ZMAT3: variants seen among roughly 807,000 people sequenced by gnomAD.
The protein encoded by ZMAT3 is zinc finger matrin-type protein 3.
Under a neutral mutation model 32.3 loss-of-function variants are expected in ZMAT3, and 17 were observed. That is an observed-to-expected ratio of 0.53 (90% CI 0.36 to 0.79). The LOEUF is 0.79. Ranked by LOEUF, ZMAT3 falls within the 30% of genes least tolerant of loss-of-function variation. The pLI is 0.00. For missense variants in ZMAT3, 329 were observed against 359.7 expected (o/e 0.91, Z 0.69); for synonymous variants, 120 against 133.1 (o/e 0.90, Z 0.68).
rs541500106 is a variant in ZMAT3, at chr3:179,035,351, G to A, written c.271-4352C>T. ...TAGGCTGCATGTGCTCCTTAAACAT[G>A]CCAAGCTCAGGCTAGCTCCAAGGCC... On this transcript the variant is annotated intron_variant, in intron 2 of 5. Transcript: ENST00000311417. 2.0e-5 allele frequency among the ~76,000 whole-genome samples: 3 copies of A among 152,212 alleles called. No individual in the cohort carries two copies. The South Asian group carries it at 6.2e-4, about 32-fold the overall frequency.
At chr3:179,031,497 T>C (rs1419487799) in intron 2 of ZMAT3, among the ~76,000 whole-genome samples, 3 of 152,226 alleles carry the variant, frequency 2.0e-5, no homozygotes, top group Non-Finnish European at 2.9e-5. Context: ...CTAGATTTGA[T>C]TGCTAGATCT....
At chr3:179,058,015 C>A (rs1156494041) in intron 2 of ZMAT3, among the ~76,000 whole-genome samples, 4 of 152,182 alleles carry the variant, frequency 2.6e-5, no homozygotes. Context: ...AGGAATAGCT[C>A]TAGGAGTCCT....
intron 2 of ZMAT3, among the ~76,000 whole-genome samples, chr3:179,049,367 T>C (rs1012267875): frequency 2.0e-5 from 3 of 152,278 alleles, no homozygotes; most frequent in East Asian, 3.9e-4. Flanking sequence ...AGAATATACA[T>C]TCTATTCATC....
At chr3:179,058,404 G>C (rs369146922) in intron 2 of ZMAT3, among the ~76,000 whole-genome samples, 1 of 152,232 alleles carries the variant, frequency 6.6e-6, no homozygotes, top group African/African-American at 2.4e-5. Flanking sequence ...GGACCTTTTA[G>C]AGGTTCCCTT....
Position 179,020,569 on chromosome 3 carries a change from T to C in ZMAT3, c.*4448A>G, listed in dbSNP as rs900171753. ...CTGTTCAAAAGCCTGCATTAAACTT[T>C]TATCTGTCCTGACAAAACATGTCTC... On this transcript the variant is annotated 3_prime_UTR_variant, in exon 6 of 6. Transcript: ENST00000311417. The C allele has an allele frequency of 6.6e-5, 10 of 152,256 alleles. No homozygotes were observed. Among genetic ancestry groups the C allele is most frequent in the Admixed American group, 6.5e-4 (10 of 15,272 alleles). 9.4% of individuals were successfully genotyped at this position (152,256 alleles called of 1,614,324 possible).
At chr3:179,069,176 A>T (rs1355459020) in intron 1 of ZMAT3, among the ~76,000 whole-genome samples, 1 of 152,170 alleles carries the variant, frequency 6.6e-6, no homozygotes, top group Non-Finnish European at 1.5e-5. Context: ...GGAGTAATGG[A>T]TCACACCACC....
chr3:179,029,144 A>G (rs1045531365), intron 3 of ZMAT3, among the ~76,000 whole-genome samples: 17 of 151,192 alleles, frequency 1.1e-4, no homozygotes, highest in African/African-American at 4.1e-4. Context: ...GGGCAACAAG[A>G]GCAAAACTCC....
chr3:179,053,287 A>T, intron 2 of ZMAT3, among the ~76,000 whole-genome samples: 1 of 148,584 alleles, frequency 6.7e-6, no homozygotes, highest in Non-Finnish European at 1.5e-5. Flanking sequence ...TTATATCTAT[A>T]GATATAGATA....
At chr3:179,032,685 CCCA>C (rs1451426412) in intron 2 of ZMAT3, among the ~76,000 whole-genome samples, 2 of 150,928 alleles carry the variant, frequency 1.3e-5, no homozygotes, top group Non-Finnish European at 2.9e-5. Context: ...GTGTGTCTGC[CCCA>C]CCACCACCCC....
chr3:179,063,011 G>A (rs552216420), intron 2 of ZMAT3, among the ~76,000 whole-genome samples: 1 of 152,306 alleles, frequency 6.6e-6, no homozygotes, highest in East Asian at 1.9e-4. Flanking sequence ...CAATCCTGCA[G>A]AGGAAGTACA....
At chr3:179,063,112 T>C (rs1434993142) in intron 2 of ZMAT3, among the ~76,000 whole-genome samples, 1 of 152,228 alleles carries the variant, frequency 6.6e-6, no homozygotes, top group African/African-American at 2.4e-5. Flanking sequence ...AGTTGTTAGA[T>C]TCCAAAGCAT....
At chr3:179,045,084 T>C (rs1720157704) in intron 2 of ZMAT3, among the ~76,000 whole-genome samples, 1 of 151,902 alleles carries the variant, frequency 6.6e-6, no homozygotes, top group African/African-American at 2.4e-5. Flanking sequence ...ACTAGGTAAG[T>C]TACCTAGACG....
intron 2 of ZMAT3, among the ~76,000 whole-genome samples, chr3:179,058,417 C>G (rs1309580101): frequency 6.6e-6 from 1 of 152,210 alleles, no homozygotes; most frequent in Non-Finnish European, 1.5e-5. Context: ...GTTCCCTTGA[C>G]TGATCCCAAC....
At chr3:179,029,495 G>A (rs184171913) in intron 3 of ZMAT3, among the ~76,000 whole-genome samples, 27 of 151,554 alleles carry the variant, frequency 1.8e-4, no homozygotes, top group Non-Finnish European at 3.2e-4. Flanking sequence ...AGATAGTCTC[G>A]CTCTGTCACC....
Position 179,023,708 on chromosome 3 carries a change from A to ATTTTTT in ZMAT3, c.*1308_*1309insAAAAAA, listed in dbSNP as rs1460929038. ...CTGGAAAATATATCTATATATATAT[A>ATTTTTT]TATTTTTTTTTTTTTTTTTTTTTTT... On this transcript the variant is annotated 3_prime_UTR_variant, in exon 6 of 6. Transcript: ENST00000311417. 3 of 12,630 alleles carry ATTTTTT rather than the reference A, an allele frequency of 2.4e-4. No individual in the cohort carries two copies. Among genetic ancestry groups the ATTTTTT allele is most frequent in the African/African-American group, 5.3e-4 (1 of 1,882 alleles). The allele number at this position is 12,630 out of a possible 1,614,324, so 0.8% of individuals were successfully genotyped here. A position where few individuals can be genotyped will look rare whatever the true frequency, so the allele number is the denominator to read the frequency against.
At chr3:179,038,391 G>C (rs1719722838) in intron 2 of ZMAT3, among the ~76,000 whole-genome samples, 1 of 152,060 alleles carries the variant, frequency 6.6e-6, no homozygotes, top group South Asian at 2.1e-4. Context: ...GACCAAACTG[G>C]GCAAAATGAC....
intron 2 of ZMAT3, among the ~76,000 whole-genome samples, chr3:179,058,901 C>A (rs976412290): frequency 1.3e-5 from 2 of 152,152 alleles, no homozygotes; most frequent in East Asian, 1.9e-4. Flanking sequence ...CACTTGGGCA[C>A]TAGAATTAGG....
intron 2 of ZMAT3, among the ~76,000 whole-genome samples, chr3:179,035,616 T>TG (rs1560087590): frequency 6.6e-6 from 1 of 152,110 alleles, no homozygotes; most frequent in African/African-American, 2.4e-5. Flanking sequence ...TTGTTTTTTT[T>TG]TCTCTTTCCT....
intron 2 of ZMAT3, among the ~76,000 whole-genome samples, chr3:179,065,119 C>T (rs1423718549): frequency 2.0e-5 from 3 of 152,136 alleles, no homozygotes; most frequent in African/African-American, 7.2e-5. Flanking sequence ...CTTTATTATA[C>T]CCAAACTTTT....
Sources: gnomAD v4.1 joint callset for allele counts (sites outside exome capture counted in the v4.1 genomes callset) on GRCh38, gnomAD v4.1.1 for gene constraint, MANE v1.5 for transcripts, NCBI Gene and HGNC (gene_info 2026-07-23, HGNC 2026-07-21) for gene names.